Variants in AVEN observed in about 807,000 individuals in gnomAD.
The protein encoded by AVEN is cell death regulator Aven.
AVEN carries 41 observed loss-of-function variants against 38.1 expected under a neutral mutation model. The ratio of observed to expected loss-of-function variants is 1.08; its 90% confidence interval spans 0.84 to 1.40. The LOEUF (loss-of-function observed/expected upper bound fraction) is 1.40. Ranked by LOEUF, AVEN falls within the 40% of genes most tolerant of loss-of-function variation. AVEN has a pLI of 0.00. For synonymous variants in AVEN, 206 were observed against 171.8 expected (o/e 1.20, Z -1.56); for missense variants, 605 against 438.8 (o/e 1.38, Z -3.38).
intron 2 of AVEN, among the ~76,000 whole-genome samples, chr15:34,069,095 G>A (rs567128263): frequency 3.3e-5 from 5 of 151,058 alleles, no homozygotes; most frequent in African/African-American, 1.2e-4. Flanking sequence ...ACAGGAGTGA[G>A]CCACCGCGCC....
chr15:33,862,188 C>G (rs184319265), downstream of AVEN, among the ~76,000 whole-genome samples: 301 of 142,096 alleles, frequency 2.1e-3, 2 homozygotes, highest in Middle Eastern at 0.02. Context: ...CTTCCCCCTT[C>G]TCTCTCTATT....
At chr15:33,914,188 T>G (rs889112531) in intron 2 of AVEN, among the ~76,000 whole-genome samples, 1 of 151,992 alleles carries the variant, frequency 6.6e-6, no homozygotes. Flanking sequence ...TGAGCTCTTT[T>G]ACAGTGGTTT....
intron 2 of AVEN, among the ~76,000 whole-genome samples, chr15:33,986,107 TTTTG>T (rs200514770): frequency 0.93 from 140,039 of 150,272 alleles, 65,842 homozygotes; most frequent in Non-Finnish European, 1. Flanking sequence ...TTTTTTTGTT[TTTTG>T]TTTTTTGTTT....
In AVEN at chr15:33,866,445, T is replaced by G; in HGVS notation, c.*168A>C. ...ACAAATGCAACAAGCTGCTTCAATG[T>G]ATTCTTTCAGATGTCAAACACAGAG... On this transcript the variant is annotated 3_prime_UTR_variant, in exon 6 of 6. Transcript: ENST00000306730. 1 of 600,096 alleles carries G rather than the reference T, an allele frequency of 1.7e-6. No individual in the cohort carries two copies. The highest frequency in any genetic ancestry group is 3.0e-6 in the Non-Finnish European group (1 of 337,298). 37.2% of individuals were successfully genotyped at this position (600,096 alleles called of 1,614,324 possible).
chr15:33,904,706 T>TAC lies in AVEN; in HGVS notation c.446-28712_446-28711insGT, dbSNP rs755723684. 3.6e-3 allele frequency among the ~76,000 whole-genome samples: 368 copies of TAC among 101,394 alleles called. 4 individuals carry two copies. The highest frequency in any genetic ancestry group is 0.02 in the South Asian group (64 of 3,214). 66.5% of individuals were successfully genotyped at this position (101,394 alleles called of 152,430 possible). On this transcript the variant is annotated intron_variant, in intron 2 of 5. Coordinates refer to ENST00000306730, the MANE Select transcript of AVEN (RefSeq NM_020371.3). ...TTAAAAAAAAAAAAATATATATATA[T>TAC]ATATATATATACACACACACACGAA...
chr15:33,978,750 C>T (rs1480109997), intron 2 of AVEN, among the ~76,000 whole-genome samples: 2 of 152,034 alleles, frequency 1.3e-5, no homozygotes, highest in African/African-American at 2.4e-5. Context: ...AAACAGAATT[C>T]GGCCTTACTT....
chr15:34,030,878 A>G (rs1898756147), intron 1 of AVEN, among the ~76,000 whole-genome samples: 1 of 152,066 alleles, frequency 6.6e-6, no homozygotes. Context: ...TCACCCTCCC[A>G]AAGTGCTGGG....
At chr15:34,062,728 A>G (rs1900384766) in intron 5 of AVEN, 1 of 1,609,154 alleles carries the variant, frequency 6.2e-7, no homozygotes, top group Non-Finnish European at 8.5e-7. Context: ...ATGGAAGGGG[A>G]TTCTTACCAC....
At chr15:33,864,132 T>C, downstream of AVEN, 2 of 1,608,904 alleles carry the variant, frequency 1.2e-6, no homozygotes, top group Non-Finnish European at 1.7e-6. Context: ...CTTTTCCTCG[T>C]TCCAGGTTCT....
chr15:33,889,895 G>C (rs1891861506), intron 2 of AVEN, among the ~76,000 whole-genome samples: 1 of 152,136 alleles, frequency 6.6e-6, no homozygotes, highest in South Asian at 2.1e-4. Flanking sequence ...CTCGAAGCTT[G>C]GTCCTGAAAA....
At chr15:33,854,791 C>T, downstream of AVEN, 1 of 1,612,350 alleles carries the variant, frequency 6.2e-7, no homozygotes, top group Non-Finnish European at 8.5e-7. Flanking sequence ...GCCTGGTATA[C>T]AACCATGTCA....
intron 1 of AVEN, among the ~76,000 whole-genome samples, chr15:34,012,217 T>A (rs1897666445): frequency 6.6e-6 from 1 of 152,244 alleles, no homozygotes; most frequent in Admixed American, 6.5e-5. Context: ...ATTTGCTTCT[T>A]GACGTGGTTA....
intron 2 of AVEN, among the ~76,000 whole-genome samples, chr15:33,975,652 C>T (rs974040914): frequency 2.0e-5 from 3 of 152,120 alleles, no homozygotes; most frequent in Admixed American, 6.6e-5. Flanking sequence ...CAGGTCCCAG[C>T]TGGGCACGGT....
chr15:34,062,129 A>G (rs528792554), intron 5 of AVEN, among the ~76,000 whole-genome samples: 2 of 152,296 alleles, frequency 1.3e-5, no homozygotes, highest in East Asian at 3.9e-4. Context: ...AGCCTCATGC[A>G]TAAGAAGGGC....
At chr15:34,026,421 C>G (rs1898475124) in intron 1 of AVEN, among the ~76,000 whole-genome samples, 1 of 152,022 alleles carries the variant, frequency 6.6e-6, no homozygotes, top group Non-Finnish European at 1.5e-5. Context: ...GGAAAGGAAA[C>G]ACGGATTAAT....
chr15:34,001,031 T>C (rs956518753), intron 2 of AVEN, among the ~76,000 whole-genome samples: 1 of 151,454 alleles, frequency 6.6e-6, no homozygotes, highest in Non-Finnish European at 1.5e-5. Context: ...TTTTTTTTTT[T>C]TTTTTTGAGA....
chr15:33,959,061 T>C (rs1373354191), intron 2 of AVEN, among the ~76,000 whole-genome samples: 1 of 152,322 alleles, frequency 6.6e-6, no homozygotes, highest in South Asian at 2.1e-4. Context: ...GCCAAGCATA[T>C]GCTTGCCTCT....
chr15:33,888,538 G>A (rs1044536059), intron 2 of AVEN, among the ~76,000 whole-genome samples: 1 of 152,160 alleles, frequency 6.6e-6, no homozygotes, highest in African/African-American at 2.4e-5. Flanking sequence ...TGTGAACAAG[G>A]TAAAGATAAG....
chr15:34,025,551 C>G (rs773415223), intron 1 of AVEN, among the ~76,000 whole-genome samples: 1 of 152,144 alleles, frequency 6.6e-6, no homozygotes, highest in African/African-American at 2.4e-5. Context: ...ATTGGGTCAT[C>G]TGGTGAAACC....
Sources: allele counts gnomAD v4.1 joint callset (sites outside exome capture counted in the v4.1 genomes callset), GRCh38; gene constraint gnomAD v4.1.1; transcripts MANE v1.5; gene names NCBI Gene and HGNC (gene_info 2026-07-23, HGNC 2026-07-21).